Variants in THADA observed in about 807,000 individuals in gnomAD.
THADA encodes tRNA (32-2'-O)-methyltransferase regulator THADA.
A neutral mutation model predicts 219.8 loss-of-function variants in THADA; 213 were observed. The observed-to-expected ratio is 0.97, with a 90% CI of 0.87 to 1.09. The LOEUF (loss-of-function observed/expected upper bound fraction) is 1.09. Among genes scored for constraint, THADA ranks in the 50% least tolerant of loss-of-function variants. The probability of loss-of-function intolerance (pLI) is 0.00; values close to 1 mark genes in which losing one functional copy is unlikely to be tolerated. For missense variants in THADA, 2,956 were observed against 2,311.3 expected, an observed-to-expected ratio of 1.28 and a Z score of -5.72; for synonymous variants, 1,018 against 828.9, an observed-to-expected ratio of 1.23 and a Z score of -3.92.
intron 22 of THADA, among the ~76,000 whole-genome samples, chr2:43,527,233 C>A (rs1474050963): frequency 6.6e-6 from 1 of 152,128 alleles, no homozygotes; most frequent in Non-Finnish European, 1.5e-5. Context: ...GAAAATACTA[C>A]CTTTTATTTA....
chr2:43,475,523 C>T (rs935939143), intron 26 of THADA, among the ~76,000 whole-genome samples: 2 of 150,370 alleles, frequency 1.3e-5, no homozygotes, highest in Non-Finnish European at 2.9e-5. Flanking sequence ...AGGTGAAATT[C>T]GAAAGTGAAT....
At chr2:43,310,939 G>A (rs1677432087) in intron 31 of THADA, among the ~76,000 whole-genome samples, 1 of 152,236 alleles carries the variant, frequency 6.6e-6, no homozygotes, top group Non-Finnish European at 1.5e-5. Context: ...CACTTTGGGA[G>A]GCTGAGGCAG....
At chr2:43,595,854 C>T (rs536395531) in intron 1 of THADA, 77 bp downstream of exon 1, 2 of 152,390 alleles carry the variant, frequency 1.3e-5, no homozygotes, top group South Asian at 4.1e-4. Flanking sequence ...ATTGGTGTGG[C>T]TCGCCAGGCA....
At chr2:43,544,435 G>T (rs1176813676) in intron 20 of THADA, among the ~76,000 whole-genome samples, 1 of 152,138 alleles carries the variant, frequency 6.6e-6, no homozygotes, top group Non-Finnish European at 1.5e-5. Context: ...GCTTGATGGG[G>T]ATGGCATTGA....
chr2:43,552,316 G>A lies in THADA; in HGVS notation c.2698C>T (p.Leu900Phe), dbSNP rs144484852. ...TCAGCCTGAGATACTTCTTCCTCAA[G>A]ATTTTCCATCAAGCATTTGATAACT... is the stretch of plus-strand genomic sequence containing the variant. ...LMVIKCLMEN[L>F]EEEVSQAENS... is the part of the protein sequence containing the mutation. Residue 900 changes from leucine to phenylalanine, a missense_variant, in exon 18 of 38, where the codon CTT (leucine) becomes TTT (phenylalanine). Leu to Phe is a conservative substitution (Grantham distance 22, BLOSUM62 0). Coordinates refer to ENST00000405975, the MANE Select transcript of THADA (RefSeq NM_022065.5). 7.5e-5 allele frequency: 119 copies of A among 1,594,854 alleles called. No homozygotes were observed. The African/African-American group carries it at 1.4e-3, about 18-fold the overall frequency.
chr2:43,232,961 C>G, intron 36 of THADA, 79 bp from the exon 37 acceptor site: 2 of 1,449,656 alleles, frequency 1.4e-6, no homozygotes, highest in South Asian at 1.3e-5. Flanking sequence ...ACCCTGGGAA[C>G]AATAAAGGCC....
At chr2:43,518,174 C>A (rs999638957) in intron 22 of THADA, among the ~76,000 whole-genome samples, 6 of 151,992 alleles carry the variant, frequency 3.9e-5, no homozygotes, top group African/African-American at 1.5e-4. Flanking sequence ...GGCCTGATAC[C>A]CTATAGGGAG....
intron 29 of THADA, among the ~76,000 whole-genome samples, chr2:43,396,703 C>A (rs1336702244): frequency 6.6e-6 from 1 of 151,648 alleles, no homozygotes; most frequent in Non-Finnish European, 1.5e-5. Context: ...CCCAGCTTCT[C>A]GGGAGGCTGA....
intron 26 of THADA, among the ~76,000 whole-genome samples, chr2:43,477,243 TGAGAGAGA>T (rs372274663): frequency 2.0e-5 from 3 of 148,308 alleles, no homozygotes; most frequent in South Asian, 4.3e-4. Flanking sequence ...ATATGTTCTT[TGAGAGAGA>T]GAGAGAGAGA....
At chr2:43,515,085 A>AT (rs1691260519) in intron 22 of THADA, among the ~76,000 whole-genome samples, 1 of 9,342 alleles carries the variant, frequency 1.1e-4, no homozygotes, top group African/African-American at 4.1e-4. Context: ...AATATATATA[A>AT]ATATATATAT....
At chr2:43,308,472 C>T (rs1368137161) in intron 31 of THADA, among the ~76,000 whole-genome samples, 1 of 151,790 alleles carries the variant, frequency 6.6e-6, no homozygotes, top group East Asian at 1.9e-4. Context: ...TGGGAGGCCA[C>T]GATAGGAGGA....
At chr2:43,481,842 T>A (rs758987650) in intron 26 of THADA, among the ~76,000 whole-genome samples, 21 of 152,214 alleles carry the variant, frequency 1.4e-4, no homozygotes, top group Non-Finnish European at 2.8e-4. Context: ...GCATGAAGCT[T>A]TGGCAAAGCA....
chr2:43,277,869 A>C (rs1381700152), intron 36 of THADA, among the ~76,000 whole-genome samples: 1 of 152,222 alleles, frequency 6.6e-6, no homozygotes. Context: ...GTATTCTACA[A>C]AATCCTTATA....
Position 43,566,889 on chromosome 2 carries a change from AC to A in THADA, c.2188-69del, listed in dbSNP as rs537955006. On this transcript the variant is annotated intron_variant, in intron 14 of 37. Coordinates refer to ENST00000405975, the MANE Select transcript of THADA (RefSeq NM_022065.5). Reference sequence around the variant, plus strand: ...CAATAGGTTATATTCAGAGTATTAAACACCCTTTAAGAGTGGGTGTTTTTGT... The same window carrying A: ...CAATAGGTTATATTCAGAGTATTAAAACCCTTTAAGAGTGGGTGTTTTTGT... 881 of 1,167,992 alleles carry A rather than the reference AC, an allele frequency of 7.5e-4. 2 individuals carry two copies. The highest frequency in any genetic ancestry group is 8.2e-4 in the Non-Finnish European group (718 of 873,938). The allele number at this position is 1,167,992 out of a possible 1,614,324, so 72.4% of individuals were successfully genotyped here. A position where few individuals can be genotyped will look rare whatever the true frequency, so the allele number is the denominator to read the frequency against.
intron 20 of THADA, among the ~76,000 whole-genome samples, chr2:43,547,265 G>T (rs1165433358): frequency 6.6e-6 from 1 of 152,288 alleles, no homozygotes; most frequent in South Asian, 2.1e-4. Context: ...TTCCCTTTGT[G>T]GGTAACCCGA....
chr2:43,385,647 T>C (rs1308828482), intron 29 of THADA, among the ~76,000 whole-genome samples: 1 of 139,536 alleles, frequency 7.2e-6, no homozygotes, highest in African/African-American at 2.6e-5. Context: ...GGGGCAAGCA[T>C]AAAGTCTATC....
chr2:43,567,689 A>G (rs1698844156), intron 14 of THADA, among the ~76,000 whole-genome samples: 1 of 152,334 alleles, frequency 6.6e-6, no homozygotes, highest in African/African-American at 2.4e-5. Flanking sequence ...TATATGGTTT[A>G]ATATAGTTCT....
chr2:43,515,050 T>TTATATATAATATATA (rs1691226141), intron 22 of THADA, among the ~76,000 whole-genome samples: 1 of 52,452 alleles, frequency 1.9e-5, no homozygotes, highest in African/African-American at 8.1e-5. Context: ...ATATATATAT[T>TTATATATAATATATA]TTATATATAA....
At chr2:43,388,952 C>T (rs1479660360) in intron 29 of THADA, among the ~76,000 whole-genome samples, 1 of 152,198 alleles carries the variant, frequency 6.6e-6, no homozygotes, top group Non-Finnish European at 1.5e-5. Context: ...ACCCCCCGCC[C>T]GTAGCAGTGG....
Sources: allele counts gnomAD v4.1 joint callset (sites outside exome capture counted in the v4.1 genomes callset), GRCh38; gene constraint gnomAD v4.1.1; transcripts MANE v1.5; gene names NCBI Gene and HGNC (gene_info 2026-07-23, HGNC 2026-07-21).